PIP5K1B: variants seen among roughly 807,000 people sequenced by gnomAD.
The protein encoded by PIP5K1B is phosphatidylinositol-4-phosphate 5-kinase type 1 beta.
In PIP5K1B, 42 loss-of-function variants were observed where a neutral mutation model predicts 67.0. That is an observed-to-expected ratio of 0.63 (90% CI 0.49 to 0.81). PIP5K1B has a LOEUF of 0.81. PIP5K1B is among the 30% of genes least tolerant of loss of function. The pLI is 0.00. For synonymous variants in PIP5K1B, 214 were observed against 231.4 expected (o/e 0.92, Z 0.68); for missense variants, 459 against 646.3 (o/e 0.71, Z 3.14).
At chr9:68,917,426 C>A in intron 8 of PIP5K1B, 122 bp from the exon 9 acceptor site, 2 of 731,132 alleles carry the variant, frequency 2.7e-6, no homozygotes, top group Non-Finnish European at 4.8e-6. Context: ...CATCTCTCAG[C>A]CACCCCGCTG....
At chr9:69,001,967 T>C (rs948828562) in intron 15 of PIP5K1B, among the ~76,000 whole-genome samples, 2 of 152,220 alleles carry the variant, frequency 1.3e-5, no homozygotes, top group African/African-American at 4.8e-5. Flanking sequence ...TTAACAGTTT[T>C]GAAATGAGAG....
chr9:68,894,299 TAGA>T, intron 7 of PIP5K1B, 37 bp from the exon 8 acceptor site: 1 of 1,291,066 alleles, frequency 7.7e-7, no homozygotes, highest in Non-Finnish European at 1.1e-6. Flanking sequence ...TTTGTCAAAA[TAGA>T]AGATTGTAAA....
intron 4 of PIP5K1B, among the ~76,000 whole-genome samples, chr9:68,831,198 T>C (rs953964959): frequency 6.6e-6 from 1 of 152,218 alleles, no homozygotes; most frequent in Middle Eastern, 3.2e-3. Flanking sequence ...GGAAGAATGT[T>C]ATCAAATATA....
chr9:68,736,063 G>A (rs1024725001), intron 1 of PIP5K1B, among the ~76,000 whole-genome samples: 7 of 152,172 alleles, frequency 4.6e-5, no homozygotes, highest in Non-Finnish European at 1.0e-4. Flanking sequence ...ATGGAATCAC[G>A]GAAAGCGCAT....
chr9:68,893,039 C>T (rs1824879930), intron 7 of PIP5K1B, among the ~76,000 whole-genome samples: 1 of 151,848 alleles, frequency 6.6e-6, no homozygotes, highest in South Asian at 2.1e-4. Flanking sequence ...TGCCACTGCA[C>T]TCCAGTCTGG....
At chr9:68,858,029 A>C (rs1478195825) in intron 4 of PIP5K1B, among the ~76,000 whole-genome samples, 1 of 151,682 alleles carries the variant, frequency 6.6e-6, no homozygotes, top group African/African-American at 2.4e-5. Context: ...GCTGGAGTGC[A>C]GTGGCGCCAT....
chr9:68,939,830 AT>A, intron 13 of PIP5K1B, among the ~76,000 whole-genome samples: 1 of 152,326 alleles, frequency 6.6e-6, no homozygotes, highest in Admixed American at 6.5e-5. Context: ...CTAATTTTGA[AT>A]TTGTTGTGCC....
chr9:68,838,274 C>G (rs1821737079), intron 4 of PIP5K1B, among the ~76,000 whole-genome samples: 1 of 151,796 alleles, frequency 6.6e-6, no homozygotes, highest in Admixed American at 6.6e-5. Flanking sequence ...CTCCTTCTAA[C>G]CAATATTTTG....
intron 8 of PIP5K1B, among the ~76,000 whole-genome samples, chr9:68,898,653 A>G (rs1387946529): frequency 6.6e-6 from 1 of 152,078 alleles, no homozygotes; most frequent in African/African-American, 2.4e-5. Context: ...CCCAGGGAAC[A>G]TGACCATCGT....
chr9:68,999,202 G>A (rs538204488), intron 15 of PIP5K1B, among the ~76,000 whole-genome samples: 22 of 152,210 alleles, frequency 1.4e-4, no homozygotes, highest in African/African-American at 5.3e-4. Context: ...ATTTGATTTA[G>A]GGTTCACCCT....
At chr9:68,993,458 C>G (rs1830467983) in intron 15 of PIP5K1B, among the ~76,000 whole-genome samples, 1 of 152,078 alleles carries the variant, frequency 6.6e-6, no homozygotes, top group African/African-American at 2.4e-5. Flanking sequence ...CAGCAGGTCC[C>G]CCACCAACCG....
intron 8 of PIP5K1B, among the ~76,000 whole-genome samples, chr9:68,901,437 T>C (rs1825347026): frequency 6.6e-6 from 1 of 152,124 alleles, no homozygotes; most frequent in African/African-American, 2.4e-5. Context: ...TTTTATATTT[T>C]TAGTAGAGAT....
At chr9:68,942,461 AGTGGTGGTGGTG>A (rs565129924) in intron 14 of PIP5K1B, among the ~76,000 whole-genome samples, 2 of 151,564 alleles carry the variant, frequency 1.3e-5, no homozygotes, top group African/African-American at 4.9e-5. Context: ...TTTTGGTAGC[AGTGGTGGTGGTG>A]GTGGTGGTGG....
intron 4 of PIP5K1B, among the ~76,000 whole-genome samples, chr9:68,845,293 G>T (rs1208557348): frequency 6.6e-6 from 1 of 152,224 alleles, no homozygotes; most frequent in Admixed American, 6.5e-5. Context: ...CAGGACCACA[G>T]TCATTGTCTG....
intron 8 of PIP5K1B, among the ~76,000 whole-genome samples, chr9:68,898,561 A>G (rs1825204506): frequency 6.6e-6 from 1 of 152,166 alleles, no homozygotes; most frequent in Non-Finnish European, 1.5e-5. Context: ...ACAAGCTGAG[A>G]TGCGTGTCCT....
chr9:68,731,082 A>T (rs1307777319), intron 1 of PIP5K1B, among the ~76,000 whole-genome samples: 1 of 152,230 alleles, frequency 6.6e-6, no homozygotes, highest in Non-Finnish European at 1.5e-5. Flanking sequence ...ATGCCTGTGG[A>T]TCCCTTTCAA....
intron 5 of PIP5K1B, among the ~76,000 whole-genome samples, chr9:68,864,369 G>C (rs1043646390): frequency 1.3e-5 from 2 of 152,204 alleles, no homozygotes; most frequent in Non-Finnish European, 2.9e-5. Context: ...GCATGGGCTG[G>C]TAGGCCCATA....
chr9:68,918,797 T>C (rs1164765614), intron 9 of PIP5K1B, among the ~76,000 whole-genome samples: 1 of 152,228 alleles, frequency 6.6e-6, no homozygotes, highest in Non-Finnish European at 1.5e-5. Flanking sequence ...CAAATCGATC[T>C]AACTGTCCAA....
intron 2 of PIP5K1B, among the ~76,000 whole-genome samples, chr9:68,817,712 C>CT (rs1156788129): frequency 0.16 from 15,260 of 93,626 alleles, 1,417 homozygotes; most frequent in African/African-American, 0.18. Context: ...AGACCTCATT[C>CT]TTTTTTTTTT....
Sources: allele counts gnomAD v4.1 joint callset (sites outside exome capture counted in the v4.1 genomes callset), GRCh38; gene constraint gnomAD v4.1.1; transcripts MANE v1.5; gene names NCBI Gene and HGNC (gene_info 2026-07-23, HGNC 2026-07-21).